The following KSR1 variants were observed in gnomAD, a reference collection of about 807,000 sequenced individuals.
The protein encoded by KSR1 is kinase suppressor of ras 1, also known as kinase suppressor of ras.
A neutral mutation model predicts 92.9 loss-of-function variants in KSR1; 35 were observed. The observed-to-expected ratio is 0.38, with a 90% CI of 0.29 to 0.50. The LOEUF (loss-of-function observed/expected upper bound fraction) is 0.50. KSR1 is among the 20% of genes least tolerant of loss of function. KSR1 has a pLI of 0.94. For synonymous variants in KSR1, 467 were observed against 472.6 expected (o/e 0.99, Z 0.15); for missense variants, 972 against 1,158.5 (o/e 0.84, Z 2.34).
Position 27,625,763 on chromosome 17 carries a change from G to A in KSR1, c.*2371G>A, listed in dbSNP as rs994610798. 6.6e-6 allele frequency: 1 copy of A among 152,288 alleles called. No homozygotes were observed. Among genetic ancestry groups the A allele is most frequent in the Non-Finnish European group, 1.5e-5 (1 of 68,064 alleles). The allele number at this position is 152,288 out of a possible 1,614,324, so 9.4% of individuals were successfully genotyped here. A position where few individuals can be genotyped will look rare whatever the true frequency, so the allele number is the denominator to read the frequency against. ...GGCCAACTGTGAAGGGGATGGAGAA[G>A]GCTGGGAGGGCTCGGGGAGAGCTCT... On this transcript the variant is annotated 3_prime_UTR_variant, in exon 21 of 21. Coordinates refer to ENST00000644974, the MANE Select transcript of KSR1 (RefSeq NM_001394583.1).
At chr17:27,604,796 G>A (rs374595833) in intron 13 of KSR1, 68 bp downstream of exon 13, 141 of 1,517,166 alleles carry the variant, frequency 9.3e-5, no homozygotes, top group East Asian at 2.7e-4. Context: ...CTCAGAATGC[G>A]CAGGGGGCTT....
intron 1 of KSR1, among the ~76,000 whole-genome samples, chr17:27,499,201 G>A (rs1007122045): frequency 3.3e-5 from 5 of 152,212 alleles, no homozygotes; most frequent in Non-Finnish European, 7.3e-5. Flanking sequence ...GAGGGAAGCA[G>A]CGCCTCTCTG....
chr17:27,584,560 T>C (rs2072898368), intron 4 of KSR1, among the ~76,000 whole-genome samples: 1 of 152,218 alleles, frequency 6.6e-6, no homozygotes, highest in African/African-American at 2.4e-5. Flanking sequence ...CCTGTGTTTC[T>C]GTCTTCTCCC....
At chr17:27,525,104 G>T (rs943843215) in intron 1 of KSR1, among the ~76,000 whole-genome samples, 1 of 152,200 alleles carries the variant, frequency 6.6e-6, no homozygotes, top group Non-Finnish European at 1.5e-5. Flanking sequence ...GCATTAATTT[G>T]CAGGCCACTT....
intron 2 of KSR1, among the ~76,000 whole-genome samples, chr17:27,562,420 G>A (rs997043725): frequency 2.7e-5 from 4 of 150,830 alleles, no homozygotes; most frequent in Admixed American, 6.6e-5. Context: ...GTGAAGACGA[G>A]GTGGCTGCCG....
chr17:27,520,709 C>G (rs1015413096), intron 1 of KSR1, among the ~76,000 whole-genome samples: 1 of 152,212 alleles, frequency 6.6e-6, no homozygotes, highest in Admixed American at 6.5e-5. Context: ...AGGCTGTGCC[C>G]GCCCAGGTTT....
chr17:27,606,494 C>T (rs777036115), intron 14 of KSR1, among the ~76,000 whole-genome samples: 1 of 152,206 alleles, frequency 6.6e-6, no homozygotes, highest in African/African-American at 2.4e-5. Flanking sequence ...ACCTTGCCTC[C>T]TGCACCCGAT....
chr17:27,457,193 CGTT>C (rs1413685766), intron 1 of KSR1, among the ~76,000 whole-genome samples: 2 of 152,084 alleles, frequency 1.3e-5, no homozygotes, highest in East Asian at 1.9e-4. Flanking sequence ...CCGCAGGACT[CGTT>C]GTCCCACCGA....
chr17:27,470,086 C>T (rs990902383), intron 1 of KSR1, among the ~76,000 whole-genome samples: 38 of 148,402 alleles, frequency 2.6e-4, no homozygotes, highest in African/African-American at 8.8e-4. Context: ...GGCGGAGTAT[C>T]GCTCTGTTGC....
chr17:27,534,706 C>A (rs2070694704), intron 1 of KSR1, among the ~76,000 whole-genome samples: 1 of 152,188 alleles, frequency 6.6e-6, no homozygotes, highest in Non-Finnish European at 1.5e-5. Context: ...TAATGTGAGT[C>A]CAGTTACAGC....
intron 2 of KSR1, among the ~76,000 whole-genome samples, chr17:27,566,914 C>T (rs1376447102): frequency 2.0e-5 from 3 of 152,276 alleles, no homozygotes; most frequent in East Asian, 3.9e-4. Flanking sequence ...GCTGATCCAG[C>T]TCTACCTCTC....
chr17:27,456,624 C>A lies in KSR1; in HGVS notation c.-20C>A, dbSNP rs960276695. 3 of 499,760 alleles carry A rather than the reference C, an allele frequency of 6.0e-6. No homozygotes were observed. The highest frequency in any genetic ancestry group is 1.0e-5 in the Non-Finnish European group (3 of 289,818). The allele number at this position is 499,760 out of a possible 1,614,324, so 31.0% of individuals were successfully genotyped here. A position where few individuals can be genotyped will look rare whatever the true frequency, so the allele number is the denominator to read the frequency against. On this transcript the variant is annotated 5_prime_UTR_variant, in exon 1 of 21. Transcript: ENST00000644974. ...GCCCCGGGCTCCCAGCCTCGGCCGCCGCGGCCCCGATGCCGAGGCATGGAT... is the reference window on the plus strand; with the variant it reads ...GCCCCGGGCTCCCAGCCTCGGCCGCAGCGGCCCCGATGCCGAGGCATGGAT...
At chr17:27,622,938 C>T in intron 20 of KSR1, 1 of 266,144 alleles carries the variant, frequency 3.8e-6, no homozygotes. Context: ...CTAAAAGGAA[C>T]ATGCCCTGTC....
At chr17:27,520,400 GAATT>G (rs2069973227) in intron 1 of KSR1, among the ~76,000 whole-genome samples, 1 of 152,150 alleles carries the variant, frequency 6.6e-6, no homozygotes. Flanking sequence ...TGGAGGGGGA[GAATT>G]AATTTTTTCC....
chr17:27,507,159 G>T (rs537870458), intron 1 of KSR1, among the ~76,000 whole-genome samples: 7 of 152,322 alleles, frequency 4.6e-5, no homozygotes, highest in African/African-American at 1.7e-4. Flanking sequence ...TTTAGGCTGG[G>T]CAAGGTGGCT....
intron 1 of KSR1, among the ~76,000 whole-genome samples, chr17:27,479,394 G>C (rs1287333497): frequency 1.3e-5 from 2 of 152,138 alleles, no homozygotes; most frequent in Non-Finnish European, 2.9e-5. Flanking sequence ...ACATCAATAA[G>C]GCGAGAGCAG....
At chr17:27,603,953 C>A in intron 12 of KSR1, 65 bp downstream of exon 12, 3 of 1,493,358 alleles carry the variant, frequency 2.0e-6, no homozygotes, top group Non-Finnish European at 2.8e-6. Flanking sequence ...GATCCATATC[C>A]CTGGCCACCT....
At chr17:27,510,254 T>C (rs1218884235) in intron 1 of KSR1, among the ~76,000 whole-genome samples, 1 of 152,168 alleles carries the variant, frequency 6.6e-6, no homozygotes, top group Non-Finnish European at 1.5e-5. Context: ...ACTGGGAAGG[T>C]GGCGGTGCTG....
intron 1 of KSR1, among the ~76,000 whole-genome samples, chr17:27,488,620 C>T (rs902683423): frequency 6.6e-6 from 1 of 152,084 alleles, no homozygotes; most frequent in South Asian, 2.1e-4. Flanking sequence ...TTGCTTGAGT[C>T]TAGGAGTTAG....
Sources: gnomAD v4.1 joint callset for allele counts (sites outside exome capture counted in the v4.1 genomes callset) on GRCh38, gnomAD v4.1.1 for gene constraint, MANE v1.5 for transcripts, NCBI Gene and HGNC (gene_info 2026-07-23, HGNC 2026-07-21) for gene names.